The following VRK2 variants were observed in gnomAD, a reference collection of about 807,000 sequenced individuals.
VRK2 encodes serine/threonine-protein kinase VRK2.
A neutral mutation model predicts 57.6 loss-of-function variants in VRK2; 60 were observed. The ratio of observed to expected loss-of-function variants is 1.04; its 90% CI spans 0.85 to 1.29. The LOEUF (loss-of-function observed/expected upper bound fraction) is 1.29. VRK2 is among the 50% of genes most tolerant of loss of function. The pLI, the probability that VRK2 is intolerant of heterozygous loss-of-function variation, is 0.00. For missense variants in VRK2, 705 were observed against 588.1 expected (o/e 1.20, Z -2.06); for synonymous variants, 231 against 199.2 (o/e 1.16, Z -1.35).
intron 1 of VRK2, among the ~76,000 whole-genome samples, chr2:58,019,190 G>A (rs938697552): frequency 6.6e-5 from 10 of 152,242 alleles, no homozygotes; most frequent in South Asian, 2.1e-4. Flanking sequence ...ATGTGACCAC[G>A]TTAAACATTA....
At chr2:58,088,764 A>C (rs1032601690) in intron 6 of VRK2, among the ~76,000 whole-genome samples, 1 of 152,218 alleles carries the variant, frequency 6.6e-6, no homozygotes, top group African/African-American at 2.4e-5. Flanking sequence ...AGTTATAACA[A>C]TGCAAATTAT....
intron 9 of VRK2, among the ~76,000 whole-genome samples, chr2:58,133,900 A>T (rs546072103): frequency 6.6e-6 from 1 of 152,288 alleles, no homozygotes; most frequent in Non-Finnish European, 1.5e-5. Flanking sequence ...AATCATGGTA[A>T]ATATTACTAC....
intron 1 of VRK2, chr2:58,047,442 C>G: frequency 1.0e-6 from 1 of 985,428 alleles, no homozygotes; most frequent in Non-Finnish European, 1.2e-6. Flanking sequence ...TTTCCCTTGG[C>G]AGATGAACTC....
intron 2 of VRK2, among the ~76,000 whole-genome samples, chr2:58,063,925 C>G (rs1243539064): frequency 6.6e-6 from 1 of 152,028 alleles, no homozygotes; most frequent in Non-Finnish European, 1.5e-5. Context: ...GTTTCCAACC[C>G]TTGTGGGTGA....
chr2:57,941,851 T>C (rs1183500985), intron 1 of VRK2, among the ~76,000 whole-genome samples: 1 of 152,222 alleles, frequency 6.6e-6, no homozygotes, highest in Non-Finnish European at 1.5e-5. Flanking sequence ...AGAGTGTATA[T>C]GTGAATTATA....
intron 1 of VRK2, among the ~76,000 whole-genome samples, chr2:58,025,020 G>T (rs1192676332): frequency 6.6e-6 from 1 of 152,138 alleles, no homozygotes; most frequent in Admixed American, 6.5e-5. Context: ...TTCTCTTGTG[G>T]GCAAAGTACG....
chr2:57,957,051 C>G (rs368705017), intron 1 of VRK2, among the ~76,000 whole-genome samples: 2 of 152,162 alleles, frequency 1.3e-5, no homozygotes, highest in African/African-American at 4.8e-5. Flanking sequence ...CTCCCTCTTA[C>G]TACAAGACTC....
At chr2:58,007,495 G>T (rs1440294030) in intron 1 of VRK2, among the ~76,000 whole-genome samples, 5 of 151,440 alleles carry the variant, frequency 3.3e-5, no homozygotes, top group Non-Finnish European at 7.4e-5. Context: ...AAGGATAAAG[G>T]CATATGACAA....
At chr2:58,052,213 A>T (rs1675849031) in intron 2 of VRK2, among the ~76,000 whole-genome samples, 1 of 152,232 alleles carries the variant, frequency 6.6e-6, no homozygotes, top group South Asian at 2.1e-4. Flanking sequence ...TGTGATAATA[A>T]TAATTGTGAG....
chr2:58,022,064 A>G (rs184608015), intron 1 of VRK2, among the ~76,000 whole-genome samples: 1 of 152,152 alleles, frequency 6.6e-6, no homozygotes, highest in African/African-American at 2.4e-5. Context: ...CTCATTAGCT[A>G]TTTCAAACCA....
rs569802864 is a variant in VRK2 at position 58,107,253 on chromosome 2, T to C, written c.544-15848T>C. ...AAGCTTTAAAGTTGCTGAATACATA[T>C]ATATACTCTTCCCAGTGGGTTTTTC... On this transcript the variant is annotated intron_variant, in intron 7 of 12. Transcript: ENST00000340157. Among the ~76,000 whole-genome samples the C allele has an allele frequency of 2.6e-4, 40 of 152,276 alleles. No homozygotes were observed. The East Asian group carries it at 7.7e-3, about 29-fold the overall frequency.
rs1055353524 is a variant in VRK2 at position 58,139,058 on chromosome 2, C to T, written c.857-608C>T. On this transcript the variant is annotated intron_variant, in intron 10 of 12. Transcript: ENST00000340157. ...GAGAAAAAATAAAAGATGGCAACTC[C>T]TCCTCCCACTGCTCTAAAATCAAAA... Among the ~76,000 whole-genome samples the T allele has an allele frequency of 3.3e-5, 5 of 152,188 alleles. No homozygotes were observed. The East Asian group carries it at 9.7e-4, about 29-fold the overall frequency.
chr2:58,154,970 G>A (rs925540207), intron 12 of VRK2, among the ~76,000 whole-genome samples: 5 of 151,380 alleles, frequency 3.3e-5, no homozygotes, highest in African/African-American at 1.2e-4. Context: ...TTTTTTTTCA[G>A]TTATTGATTT....
chr2:58,037,551 A>T (rs1202273567), intron 3 of VRK2, among the ~76,000 whole-genome samples: 1 of 152,128 alleles, frequency 6.6e-6, no homozygotes, highest in African/African-American at 2.4e-5. Flanking sequence ...GAAGACACAG[A>T]AACAAAATCC....
At chr2:58,046,362 G>T (rs893260218), upstream of VRK2, among the ~76,000 whole-genome samples, 4 of 152,218 alleles carry the variant, frequency 2.6e-5, no homozygotes, top group Non-Finnish European at 5.9e-5. Context: ...AACGCGGTGA[G>T]TTACATACAG....
chr2:58,157,013 T>G (rs541033503), intron 12 of VRK2, among the ~76,000 whole-genome samples: 1 of 152,342 alleles, frequency 6.6e-6, no homozygotes, highest in South Asian at 2.1e-4. Context: ...AACTTACTGG[T>G]GACTAAACCT....
chr2:57,965,605 G>C (rs1671892642), intron 1 of VRK2, among the ~76,000 whole-genome samples: 2 of 152,128 alleles, frequency 1.3e-5, no homozygotes, highest in African/African-American at 4.8e-5. Context: ...TCCCTACTTA[G>C]TGAATACTTC....
chr2:58,096,551 G>A (rs771767111), intron 7 of VRK2, among the ~76,000 whole-genome samples: 26 of 151,498 alleles, frequency 1.7e-4, no homozygotes, highest in Non-Finnish European at 3.2e-4. Context: ...TAAATTTTTC[G>A]TACTTCAGTG....
At chr2:58,092,625 C>A (rs1015660551) in intron 7 of VRK2, among the ~76,000 whole-genome samples, 4 of 152,094 alleles carry the variant, frequency 2.6e-5, no homozygotes, top group African/African-American at 9.7e-5. Context: ...ATTAAACATT[C>A]CCATCAGCAA....
Sources: allele counts gnomAD v4.1 joint callset (sites outside exome capture counted in the v4.1 genomes callset), GRCh38; gene constraint gnomAD v4.1.1; transcripts MANE v1.5; gene names NCBI Gene and HGNC (gene_info 2026-07-23, HGNC 2026-07-21).